Variants in COL5A1 observed in about 807,000 individuals in gnomAD.
COL5A1 encodes collagen type V alpha 1 chain.
Under a neutral mutation model 263.7 loss-of-function variants are expected in COL5A1, and 16 were observed. The observed-to-expected ratio is 0.06, with a 90% confidence interval of 0.04 to 0.09. The LOEUF (loss-of-function observed/expected upper bound fraction) is 0.09, where lower values mean the gene tolerates loss of function less well. Among genes scored for constraint, COL5A1 ranks in the 10% least tolerant of loss-of-function variants. The probability of loss-of-function intolerance (pLI) is 1.00; values close to 1 mark genes in which losing one functional copy is unlikely to be tolerated. For synonymous variants in COL5A1, 1,012 were observed against 1,004.5 expected, an observed-to-expected ratio of 1.01 and a Z score of -0.14; for missense variants, 2,036 against 2,540.5, an observed-to-expected ratio of 0.80 and a Z score of 4.27.
intron 27 of COL5A1, 144 bp from the exon 28 acceptor site, chr9:134,779,958 T>C (rs2132759691): frequency 1.2e-6 from 1 of 865,772 alleles, no homozygotes; most frequent in Non-Finnish European, 2.0e-6. Context: ...CAGGGGGACA[T>C]ATGGGAGGAA....
chr9:134,793,637 G>C (rs1326096962), intron 32 of COL5A1, among the ~76,000 whole-genome samples: 1 of 152,102 alleles, frequency 6.6e-6, no homozygotes, highest in African/African-American at 2.4e-5. Flanking sequence ...TTAGGGTGGA[G>C]GGTTTTCATT....
At chr9:134,840,079 G>GC (rs1839974022) in intron 65 of COL5A1, among the ~76,000 whole-genome samples, 1 of 152,260 alleles carries the variant, frequency 6.6e-6, no homozygotes, top group Non-Finnish European at 1.5e-5. Context: ...TCATGACCAC[G>GC]CCTATCAGAA....
intron 4 of COL5A1, among the ~76,000 whole-genome samples, chr9:134,717,385 G>A (rs1396505265): frequency 3.3e-5 from 5 of 152,186 alleles, no homozygotes; most frequent in African/African-American, 9.7e-5. Context: ...GCAGCCTCTG[G>A]GGCCAGCGTT....
chr9:134,666,955 G>C (rs527390227), intron 1 of COL5A1, among the ~76,000 whole-genome samples: 1 of 152,296 alleles, frequency 6.6e-6, no homozygotes, highest in South Asian at 2.1e-4. Context: ...GGGATGACAT[G>C]ACCCCAGTGC....
intron 9 of COL5A1, among the ~76,000 whole-genome samples, chr9:134,734,442 A>G (rs1835022748): frequency 6.6e-6 from 1 of 152,234 alleles, no homozygotes; most frequent in Non-Finnish European, 1.5e-5. Context: ...AACAGTTGGA[A>G]TTTCTCAACC....
At position 134,701,193 on chromosome 9, in the gene COL5A1, G is replaced by T. The variant is rs150147262; in HGVS notation, c.514G>T (p.Val172Phe). The T allele has an allele frequency of 3.2e-4, 522 of 1,613,824 alleles. 1 individual carries two copies. The highest frequency in any genetic ancestry group is 4.9e-4 in the Middle Eastern group (3 of 6,084). Reference sequence around the variant, plus strand: ...CAGGTGGCACAGAATTGCTCTCAGCGTCCACAAGAAAAATGTCACCTTGAT... The same window carrying T: ...CAGGTGGCACAGAATTGCTCTCAGCTTCCACAAGAAAAATGTCACCTTGAT... ...DGKWHRIALS[V>F]HKKNVTLILD... The change falls in exon 4 of 66, where the codon GTC (valine) becomes TTC (phenylalanine). Residue 172 changes from valine to phenylalanine, a missense_variant. Transcript: ENST00000371817.
rs1299550402 is a variant in COL5A1, at chr9:134,754,766, C to T, written c.1827+440C>T. Among the ~76,000 whole-genome samples the T allele has an allele frequency of 6.6e-6, 1 of 152,108 alleles. No individual in the cohort carries two copies. The highest frequency in any genetic ancestry group is 1.5e-5 in the Non-Finnish European group (1 of 68,022). ...AATTTTCTGTCTGGTGCATGGTTCT[C>T]CTGGATGGAACTGGTTTGTTTGCAC... On this transcript the variant is annotated intron_variant, in intron 16 of 65. Transcript: ENST00000371817. The surrounding 1 kb of genome is among the most constrained non-coding windows in gnomAD (Gnocchi z 4.3).
chr9:134,685,393 A>ATCTG (rs1833010761), intron 1 of COL5A1, among the ~76,000 whole-genome samples: 1 of 136,870 alleles, frequency 7.3e-6, no homozygotes. Flanking sequence ...TCATCCATCC[A>ATCTG]TCCACCATCC....
chr9:134,654,201 G>GA, intron 1 of COL5A1, among the ~76,000 whole-genome samples: 1 of 142,906 alleles, frequency 7.0e-6, no homozygotes, highest in Admixed American at 6.9e-5. Context: ...TAGGGCTGGA[G>GA]GTTTGTAGAG....
rs1831302440 is a variant in COL5A1, at chr9:134,641,981, A to G, written c.-207A>G. On this transcript the variant is annotated 5_prime_UTR_variant, in exon 1 of 66. Coordinates refer to ENST00000371817, the MANE Select transcript of COL5A1 (RefSeq NM_000093.5). ...CCGGCCGCCCCGCGGGCCAAAGTCG[A>G]GCCCTCCCGCCCGTGGGCGAGCGCG... is the stretch of plus-strand genomic sequence containing the variant. The G allele has an allele frequency of 2.4e-6, 1 of 423,296 alleles. No individual in the cohort carries two copies. Among genetic ancestry groups the G allele is most frequent in the Non-Finnish European group, 4.0e-6 (1 of 250,500 alleles). 26.2% of individuals were successfully genotyped at this position (423,296 alleles called of 1,614,324 possible). A position where few individuals can be genotyped will look rare whatever the true frequency, so the allele number is the denominator to read the frequency against.
chr9:134,762,094 GC>G, intron 19 of COL5A1, 116 bp downstream of exon 19: 1 of 1,050,248 alleles, frequency 9.5e-7, no homozygotes, highest in Non-Finnish European at 1.5e-6. Flanking sequence ...CATGTGGAGG[GC>G]CAGCTGGGAG....
intron 25 of COL5A1, 140 bp downstream of exon 25, chr9:134,768,603 C>A: frequency 2.4e-6 from 2 of 823,772 alleles, no homozygotes; most frequent in South Asian, 1.5e-5. Context: ...CCCGTTTGGT[C>A]TCCAGTTGGA....
At chr9:134,702,983 C>T (rs4529530) in intron 4 of COL5A1, among the ~76,000 whole-genome samples, 40,503 of 152,204 alleles carry the variant, frequency 0.27, 5,588 homozygotes, top group African/African-American at 0.3. Context: ...GATATTAATA[C>T]AGTGTCAAGG....
Position 134,794,939 on chromosome 9 carries a change from C to T in COL5A1, c.2701-143C>T, listed in dbSNP as rs772602830. 34 of 837,842 alleles carry T rather than the reference C, an allele frequency of 4.1e-5. 1 individual carries two copies. Among genetic ancestry groups the T allele is most frequent in the Non-Finnish European group, 5.5e-5 (28 of 505,790 alleles). The allele number at this position is 837,842 out of a possible 1,614,324, so 51.9% of individuals were successfully genotyped here. On this transcript the variant is annotated intron_variant, in intron 32 of 65. Transcript: ENST00000371817. The surrounding 1 kb of genome is among the most constrained non-coding windows in gnomAD (Gnocchi z 4.3). ...CCCTGATAAATCTCCTATTAAAACA[C>T]GGAAAAGGTGGGTGGCGGGGAGGCC...
intron 39 of COL5A1, among the ~76,000 whole-genome samples, chr9:134,803,579 G>T (rs549645840): frequency 5.9e-5 from 9 of 152,298 alleles, no homozygotes; most frequent in African/African-American, 2.2e-4. Context: ...AGGTTGCAGT[G>T]TGCCAAGATC....
chr9:134,745,165 C>G (rs1221907758), intron 11 of COL5A1, among the ~76,000 whole-genome samples: 2 of 152,240 alleles, frequency 1.3e-5, no homozygotes, highest in African/African-American at 4.8e-5. Flanking sequence ...GGTTTCTCTG[C>G]TGTAGCCCTG....
intron 8 of COL5A1, 152 bp downstream of exon 8, chr9:134,731,815 C>A: frequency 1.1e-6 from 1 of 945,660 alleles, no homozygotes; most frequent in Non-Finnish European, 1.6e-6. Flanking sequence ...AAAGAGACCT[C>A]GGTGCCTCGA....
intron 19 of COL5A1, among the ~76,000 whole-genome samples, chr9:134,762,928 G>A (rs1260690933): frequency 6.6e-6 from 1 of 152,158 alleles, no homozygotes; most frequent in Non-Finnish European, 1.5e-5. Context: ...TGTATGTGCA[G>A]GGAGTGCACG....
intron 59 of COL5A1, 133 bp from the exon 60 acceptor site, chr9:134,822,865 C>T: frequency 2.9e-6 from 3 of 1,037,426 alleles, no homozygotes; most frequent in South Asian, 1.3e-5. Flanking sequence ...CGGGCAAATA[C>T]AAGCATAGAC....
Sources: allele counts gnomAD v4.1 joint callset (sites outside exome capture counted in the v4.1 genomes callset), GRCh38; gene constraint gnomAD v4.1.1; non-coding constraint Gnocchi (gnomAD v3.1); transcripts MANE v1.5; gene names NCBI Gene and HGNC (gene_info 2026-07-23, HGNC 2026-07-21).